The following TF variants were observed in gnomAD, a reference collection of about 807,000 sequenced individuals.
TF encodes the protein serotransferrin.
A neutral mutation model predicts 82.4 loss-of-function variants in TF; 55 were observed. That is an observed-to-expected ratio of 0.67 (90% CI 0.54 to 0.84). The LOEUF is 0.84. Among genes scored for constraint, TF ranks in the 40% least tolerant of loss-of-function variants. The probability of loss-of-function intolerance (pLI) is 0.00; values close to 1 mark genes in which losing one functional copy is unlikely to be tolerated. For missense variants in TF, 737 were observed against 868.4 expected (o/e 0.85, Z 1.90); for synonymous variants, 332 against 332.6 (o/e 1.00, Z 0.02).
At chr3:133,699,380 T>C in the TF span, 13 of 828,736 alleles carry the variant, frequency 1.6e-5, 1 homozygote, top group South Asian at 1.7e-4. Context: ...GTGAGGGGCA[T>C]GGGTCATCCT....
In TF at chr3:133,764,280, G is replaced by A; in HGVS notation, c.1297+5G>A. The A allele has an allele frequency of 6.2e-7, 1 of 1,611,306 alleles. No homozygotes were observed. Among genetic ancestry groups the A allele is most frequent in the South Asian group, 1.1e-5 (1 of 91,016 alleles). On this transcript the variant is annotated splice_donor_5th_base_variant and intron_variant, in intron 10 of 16. Coordinates refer to ENST00000402696, the MANE Select transcript of TF (RefSeq NM_001063.4). Reference sequence around the variant, plus strand: ...TCTTGGCAGAAAACTACAATAGTAAGTGGTGGGGAGCACCTCTCTGTGTTT... The same window carrying A: ...TCTTGGCAGAAAACTACAATAGTAAATGGTGGGGAGCACCTCTCTGTGTTT...
intron 2 of TF, 126 bp downstream of exon 2, chr3:133,748,710 A>C (rs1559867169): frequency 3.2e-6 from 4 of 1,236,506 alleles, no homozygotes; most frequent in Non-Finnish European, 4.6e-6. Context: ...TTGACTTACT[A>C]AAATCACTTC....
At chr3:133,670,950 A>G in the TF span, among the ~76,000 whole-genome samples, 5 of 152,372 alleles carry the variant, frequency 3.3e-5, no homozygotes, top group East Asian at 9.6e-4. Flanking sequence ...CTGGAAAAAC[A>G]GAAGTGGAGG....
At chr3:133,775,821 C>T (rs946787476) in intron 15 of TF, among the ~76,000 whole-genome samples, 1 of 152,222 alleles carries the variant, frequency 6.6e-6, no homozygotes, top group Non-Finnish European at 1.5e-5. Flanking sequence ...GTTGTGCCAT[C>T]TTGGGTATGT....
the TF span, among the ~76,000 whole-genome samples, chr3:133,689,336 TAAATA>T: frequency 6.6e-6 from 1 of 151,672 alleles, no homozygotes; most frequent in African/African-American, 2.4e-5. Flanking sequence ...AATAAATAAA[TAAATA>T]AAATAACAAA....
chr3:133,733,370 C>T, the TF span, among the ~76,000 whole-genome samples: 1 of 152,184 alleles, frequency 6.6e-6, no homozygotes, highest in Admixed American at 6.5e-5. Context: ...CTACTAACCT[C>T]CTTCCCATCT....
chr3:133,664,204 T>C, the TF span, among the ~76,000 whole-genome samples: 1 of 152,196 alleles, frequency 6.6e-6, no homozygotes, highest in South Asian at 2.1e-4. Context: ...CAGCAGTCCT[T>C]CAGGAAAGGG....
chr3:133,667,233 C>T, the TF span, among the ~76,000 whole-genome samples: 3 of 151,456 alleles, frequency 2.0e-5, no homozygotes, highest in African/African-American at 7.3e-5. Context: ...GGACACACAC[C>T]TGTAGTCCCA....
rs1934456131 is a variant in TF, at chr3:133,778,728, T to G, written c.*108T>G. ...TGGTTTGTGCTAACCACGTCTGTCT[T>G]CACAGCTCTGTGTTGCCATGTGTGC... is the stretch of plus-strand genomic sequence containing the variant. On this transcript the variant is annotated 3_prime_UTR_variant, in exon 17 of 17. Transcript: ENST00000402696. 2 of 1,149,812 alleles carry G rather than the reference T, an allele frequency of 1.7e-6. No homozygotes were observed. Among genetic ancestry groups the G allele is most frequent in the African/African-American group, 3.1e-5 (2 of 65,182 alleles). The allele number at this position is 1,149,812 out of a possible 1,614,324, so 71.2% of individuals were successfully genotyped here.
upstream of TF, among the ~76,000 whole-genome samples, chr3:133,742,116 T>TA (rs1196223881): frequency 5.3e-5 from 8 of 152,222 alleles, no homozygotes; most frequent in South Asian, 2.1e-4. Flanking sequence ...CTTGGGTAGC[T>TA]GGCACTACAG....
At chr3:133,670,323 C>A in the TF span, among the ~76,000 whole-genome samples, 1 of 152,306 alleles carries the variant, frequency 6.6e-6, no homozygotes. Flanking sequence ...TCTATAAATC[C>A]CAAGTTTTCC....
chr3:133,704,898 A>G, the TF span, among the ~76,000 whole-genome samples: 2 of 152,220 alleles, frequency 1.3e-5, no homozygotes, highest in Non-Finnish European at 2.9e-5. Flanking sequence ...CTCATCTGCT[A>G]CATTATCTTT....
chr3:133,673,574 C>T, the TF span, among the ~76,000 whole-genome samples: 3 of 152,326 alleles, frequency 2.0e-5, no homozygotes, highest in Non-Finnish European at 4.4e-5. Flanking sequence ...TCACACATAG[C>T]ATCTCCAGTG....
chr3:133,705,251 G>A, the TF span, among the ~76,000 whole-genome samples: 1 of 148,052 alleles, frequency 6.8e-6, no homozygotes, highest in Non-Finnish European at 1.5e-5. Flanking sequence ...TCCAGCCTGG[G>A]CAACAACAGC....
the TF span, among the ~76,000 whole-genome samples, chr3:133,683,639 C>G: frequency 6.6e-6 from 1 of 152,186 alleles, no homozygotes; most frequent in African/African-American, 2.4e-5. Flanking sequence ...ATCAATTTAA[C>G]AAGAAGAGCT....
the TF span, among the ~76,000 whole-genome samples, chr3:133,708,917 T>A: frequency 6.6e-6 from 1 of 152,026 alleles, no homozygotes; most frequent in African/African-American, 2.4e-5. Context: ...AGGGATTTAA[T>A]ACAGGGAATT....
At chr3:133,711,580 C>T in the TF span, among the ~76,000 whole-genome samples, 1 of 152,090 alleles carries the variant, frequency 6.6e-6, no homozygotes, top group East Asian at 1.9e-4. Context: ...ATTTCTCCTC[C>T]TTCCACTCAT....
chr3:133,746,921 G>C (rs1933518340), intron 1 of TF, among the ~76,000 whole-genome samples: 1 of 152,194 alleles, frequency 6.6e-6, no homozygotes, highest in Admixed American at 6.5e-5. Context: ...AGCGGTCAGA[G>C]CATGGGGTTT....
chr3:133,669,618 C>T, the TF span, among the ~76,000 whole-genome samples: 7 of 152,168 alleles, frequency 4.6e-5, no homozygotes, highest in Admixed American at 2.0e-4. Context: ...CTTATTCTGT[C>T]ATTTGAATAT....
Sources: gnomAD v4.1 joint callset for allele counts (sites outside exome capture counted in the v4.1 genomes callset) on GRCh38, gnomAD v4.1.1 for gene constraint, MANE v1.5 for transcripts, NCBI Gene and HGNC (gene_info 2026-07-23, HGNC 2026-07-21) for gene names.